RGS2: variants seen among roughly 807,000 people sequenced by gnomAD.
RGS2 encodes the protein G0 to G1 switch regulatory 8, 24kD.
RGS2 carries 20 observed loss-of-function variants against 26.6 expected under a neutral mutation model. The ratio of observed to expected loss-of-function variants is 0.75; its 90% CI spans 0.53 to 1.09. RGS2 has a LOEUF of 1.09. RGS2 is among the 50% of genes least tolerant of loss of function. RGS2 has a pLI of 0.00. For missense variants in RGS2, 246 were observed against 245.5 expected, an observed-to-expected ratio of 1.00 and a Z score of -0.01; for synonymous variants, 97 against 79.9, an observed-to-expected ratio of 1.21 and a Z score of -1.14.
At chr1:192,809,499 A>G (rs930755587) in intron 1 of RGS2, 4 of 410,958 alleles carry the variant, frequency 9.7e-6, no homozygotes, top group South Asian at 2.1e-5. Context: ...CATACGTTGC[A>G]TGATGAGTTC....
chr1:192,809,565 C>T (rs1256036940), intron 1 of RGS2: 2 of 323,972 alleles, frequency 6.2e-6, no homozygotes, highest in South Asian at 2.7e-5. Context: ...TGAATATACT[C>T]GTTTAAAATC....
chr1:192,809,089 C>T lies in RGS2; in HGVS notation c.18C>T (p.Phe6=), dbSNP rs780440673. 1.9e-6 allele frequency: 3 copies of T among 1,613,434 alleles called. No homozygotes were observed. The highest frequency in any genetic ancestry group is 2.2e-5 in the South Asian group (2 of 91,072). Residue 6 remains phenylalanine (F), a synonymous_variant, in exon 1 of 5, where the codon TTC becomes TTT. Transcript: ENST00000235382. MQSAM[F]LAVQHDCRPM... ...GAACGATAATGCAAAGTGCTATGTT[C>T]TTGGCTGTTCAACACGACTGCAGAC...
intron 1 of RGS2, 128 bp from the exon 2 acceptor site, chr1:192,810,038 T>A (rs1027920394): frequency 1.4e-6 from 1 of 694,432 alleles, no homozygotes; most frequent in African/African-American, 1.8e-5. Flanking sequence ...ATTTGAAGAG[T>A]TCTTGCTTTG....
chr1:192,809,493 C>A, intron 1 of RGS2: 1 of 416,446 alleles, frequency 2.4e-6, no homozygotes, highest in Non-Finnish European at 4.5e-6. Context: ...AGCATTCATA[C>A]GTTGCATGAT....
At position 192,810,275 on chromosome 1, in the gene RGS2, G is replaced by C; in HGVS notation, c.212+8G>C. On this transcript the variant is annotated splice_region_variant and intron_variant, in intron 2 of 4. Transcript: ENST00000235382. Reference sequence around the variant, plus strand: ...ACAGCAAGCTTTCATCAAGTAAGTTGAGAATCCTGTGCTTGCAAATATCAA... The same window carrying C: ...ACAGCAAGCTTTCATCAAGTAAGTTCAGAATCCTGTGCTTGCAAATATCAA... 6.2e-7 allele frequency: 1 copy of C among 1,611,752 alleles called. No homozygotes were observed.
intron 1 of RGS2, 54 bp downstream of exon 1, chr1:192,809,235 G>A: frequency 3.1e-6 from 4 of 1,272,062 alleles, no homozygotes; most frequent in Non-Finnish European, 4.6e-6. Context: ...ACTGCAAGCT[G>A]CAAACGCGGT....
In RGS2 at chr1:192,811,135, A is replaced by G. The variant is rs747156983; in HGVS notation, c.429A>G (p.Glu143=). Reference sequence around the variant, plus strand: ...TATATACTGACTTCATAGAAAAGGAAGCTCCAAAAGAGGTAAGGAAACAAG... The same window carrying G: ...TATATACTGACTTCATAGAAAAGGAGGCTCCAAAAGAGGTAAGGAAACAAG... ...RKIYTDFIEK[E]APKEINIDFQ... is the part of the protein sequence containing the mutation. Residue 143 remains glutamate, a synonymous_variant, in exon 4 of 5, where the codon GAA becomes GAG. Coordinates refer to ENST00000235382, the MANE Select transcript of RGS2 (RefSeq NM_002923.4). The G allele has an allele frequency of 6.2e-7, 1 of 1,614,176 alleles. No homozygotes were observed. Among genetic ancestry groups the G allele is most frequent in the Non-Finnish European group, 8.5e-7 (1 of 1,180,020 alleles).
intron 1 of RGS2, chr1:192,809,386 T>A: frequency 1.7e-6 from 1 of 590,762 alleles, no homozygotes; most frequent in African/African-American, 1.8e-5. Context: ...ACAGTTGATA[T>A]GAGGGCGGTG....
chr1:192,809,251 C>T, intron 1 of RGS2, 70 bp downstream of exon 1: 2 of 1,145,364 alleles, frequency 1.7e-6, no homozygotes, highest in Non-Finnish European at 2.7e-6. Flanking sequence ...GCGGTACTTT[C>T]GGGCTCGCCT....
In RGS2 at chr1:192,811,480, C is replaced by G; in HGVS notation, c.520C>G (p.Gln174Glu). The G allele has an allele frequency of 1.9e-6, 3 of 1,614,022 alleles. No homozygotes were observed. Among genetic ancestry groups the G allele is most frequent in the Non-Finnish European group, 2.5e-6 (3 of 1,179,896 alleles). Residue 174 changes from glutamine to glutamate, a missense_variant, in exon 5 of 5, where the codon CAG becomes GAG. Gln to Glu is a conservative substitution (Grantham distance 29). Transcript: ENST00000235382. Reference sequence around the variant, plus strand: ...TACAAGTGGCTGCTTTACAACTGCCCAGAAAAGGGTATACAGCTTGATGGA... The same window carrying G: ...TACAAGTGGCTGCTTTACAACTGCCGAGAAAAGGGTATACAGCTTGATGGA... ...EATSGCFTTA[Q>E]KRVYSLMENN...
rs139237239 is a variant in RGS2 at position 192,811,002 on chromosome 1, C to T, written c.296C>T (p.Ala99Val). The T allele has an allele frequency of 6.2e-7, 1 of 1,613,930 alleles. No individual in the cohort carries two copies. Among genetic ancestry groups the T allele is most frequent in the African/African-American group, 1.3e-5 (1 of 74,906 alleles). The stretch of plus-strand genomic sequence containing the variant: ...TCAGATGGTCTTGCTGCATTCAGGG[C>T]TTTTTTAAAGTCGGAATTCTGTGAA... ...ASKYGLAAFR[A>V]FLKSEFCEEN... The change falls in exon 4 of 5, where the codon GCT becomes GTT. Residue 99 changes from alanine (A) to valine (V), a missense_variant. Ala to Val is a moderately conservative substitution (Grantham distance 64). Coordinates refer to ENST00000235382, the MANE Select transcript of RGS2 (RefSeq NM_002923.4).
intron 1 of RGS2, chr1:192,809,583 GTTTT>G: frequency 3.1e-6 from 1 of 320,132 alleles, no homozygotes. Context: ...ATCCATTTTT[GTTTT>G]TTAATTATAG....
At chr1:192,810,818 A>G in intron 3 of RGS2, 163 bp from the exon 4 acceptor site, 2 of 778,344 alleles carry the variant, frequency 2.6e-6, no homozygotes, top group Non-Finnish European at 4.4e-6. Flanking sequence ...GCCTACTGGT[A>G]TCTTAGTCTT....
At chr1:192,810,491 T>C in intron 3 of RGS2, 60 bp downstream of exon 3, 1 of 1,479,908 alleles carries the variant, frequency 6.8e-7, no homozygotes, top group Non-Finnish European at 9.4e-7. Context: ...AAAGGCTGCG[T>C]CCACCTAACA....
In RGS2 at chr1:192,811,901, C is replaced by G; in HGVS notation, c.*305C>G. On this transcript the variant is annotated 3_prime_UTR_variant, in exon 5 of 5. Transcript: ENST00000235382. ...AAAGAGACAATGTAATACTGTTGGT[C>G]CAAAAGCATTTAAAATCAATAGATC... 4.9e-6 allele frequency: 2 copies of G among 404,888 alleles called. No homozygotes were observed. The highest frequency in any genetic ancestry group is 9.2e-6 in the Non-Finnish European group (2 of 216,510). The allele number at this position is 404,888 out of a possible 1,614,324, so 25.1% of individuals were successfully genotyped here.
chr1:192,810,139 A>G (rs371719737), intron 1 of RGS2, 27 bp from the exon 2 acceptor site: 1 of 1,376,426 alleles, frequency 7.3e-7, no homozygotes, highest in East Asian at 2.3e-5. Context: ...GCTAGTTAGT[A>G]ATTATCTTTT....
At chr1:192,809,665 C>T (rs76586144) in intron 1 of RGS2, 4,941 of 270,868 alleles carry the variant, frequency 0.018, 276 homozygotes, top group African/African-American at 0.1. Context: ...AAAGAAGTGT[C>T]GTAGGTGGGG....
rs117986927 is a variant in RGS2, at chr1:192,809,215, C to G, written c.110+34C>G. The G allele has an allele frequency of 3.8e-4, 555 of 1,443,682 alleles. 8 individuals carry two copies. The East Asian group carries it at 0.012, about 31-fold the overall frequency. The allele number at this position is 1,443,682 out of a possible 1,614,324, so 89.4% of individuals were successfully genotyped here. ...GGCTTTCTTCCCTCTCCCGCCACCCCCTGCCCCACACTGCAAGCTGCAAAC... is the reference window on the plus strand; with the variant it reads ...GGCTTTCTTCCCTCTCCCGCCACCCGCTGCCCCACACTGCAAGCTGCAAAC... On this transcript the variant is annotated intron_variant, in intron 1 of 4. Transcript: ENST00000235382.
Position 192,811,602 on chromosome 1 carries a change from A to C in RGS2, c.*6A>C, listed in dbSNP as rs763371548. The C allele has an allele frequency of 6.2e-7, 1 of 1,612,660 alleles. No homozygotes were observed. Among genetic ancestry groups the C allele is most frequent in the Admixed American group, 1.7e-5 (1 of 60,000 alleles). On this transcript the variant is annotated 3_prime_UTR_variant, in exon 5 of 5. Transcript: ENST00000235382. ...CAGAGCCTCATGCTACATGAAATGT[A>C]AAAGGGAGCCCAGAAATGGAGGACA...
Sources: allele counts gnomAD v4.1 joint callset, GRCh38; gene constraint gnomAD v4.1.1; transcripts MANE v1.5; gene names NCBI Gene and HGNC (gene_info 2026-07-23, HGNC 2026-07-21).